Variants in PAAF1 observed in about 807,000 individuals in gnomAD.
The protein encoded by PAAF1 is proteasomal ATPase-associated factor 1.
In PAAF1, 46 loss-of-function variants were observed where a neutral mutation model predicts 52.8. The ratio of observed to expected loss-of-function variants is 0.87; its 90% CI spans 0.69 to 1.11. The LOEUF (loss-of-function observed/expected upper bound fraction) is 1.11. PAAF1 is among the 50% of genes most tolerant of loss of function. The pLI, the probability that PAAF1 is intolerant of heterozygous loss-of-function variation, is 0.00. For missense variants in PAAF1, 424 were observed against 477.4 expected (o/e 0.89, Z 1.04); for synonymous variants, 178 against 172.8 (o/e 1.03, Z -0.24).
At position 73,927,483 on chromosome 11, in the gene PAAF1, T is replaced by TC. The variant is rs887855447; in HGVS notation, c.*122dup. 3.1e-5 allele frequency: 25 copies of TC among 803,872 alleles called. No homozygotes were observed. Among genetic ancestry groups the TC allele is most frequent in the Non-Finnish European group, 3.9e-5 (19 of 486,744 alleles). The allele number at this position is 803,872 out of a possible 1,614,324, so 49.8% of individuals were successfully genotyped here. A position where few individuals can be genotyped will look rare whatever the true frequency, so the allele number is the denominator to read the frequency against. ...TAATGTCTTGGGCACCCCTTGGAAA[T>TC]CACAGAAAGTCAGCTGTACTGGCCG... On this transcript the variant is annotated 3_prime_UTR_variant, in exon 12 of 12. Transcript: ENST00000310571.
intron 6 of PAAF1, among the ~76,000 whole-genome samples, chr11:73,906,583 T>C (rs1437789800): frequency 6.6e-6 from 1 of 152,194 alleles, no homozygotes; most frequent in African/African-American, 2.4e-5. Context: ...TTGGATCTAT[T>C]TGAAAAGTTA....
chr11:73,908,319 G>GTATATATGTA (rs1421463515), intron 6 of PAAF1, among the ~76,000 whole-genome samples: 1 of 137,030 alleles, frequency 7.3e-6, no homozygotes, highest in South Asian at 2.2e-4. Context: ...ATATATATGT[G>GTATATATGTA]TATATATGTA....
intron 11 of PAAF1, among the ~76,000 whole-genome samples, chr11:73,925,585 T>C (rs537757659): frequency 6.6e-6 from 1 of 152,262 alleles, no homozygotes; most frequent in South Asian, 2.1e-4. Context: ...TCTTTGTAAA[T>C]ACATTCTATA....
intron 6 of PAAF1, among the ~76,000 whole-genome samples, chr11:73,907,968 T>C (rs543180507): frequency 1.3e-5 from 2 of 152,220 alleles, no homozygotes; most frequent in Admixed American, 6.5e-5. Flanking sequence ...AATAAGGAAA[T>C]CCAGGAACTC....
intron 10 of PAAF1, chr11:73,921,587 A>C (rs918786314): frequency 9.9e-6 from 6 of 606,548 alleles, no homozygotes; most frequent in Non-Finnish European, 1.9e-5. Flanking sequence ...AAATAAAGGC[A>C]AAAGATTCGT....
At chr11:73,913,445 A>G (rs561473830) in intron 7 of PAAF1, among the ~76,000 whole-genome samples, 5 of 152,304 alleles carry the variant, frequency 3.3e-5, no homozygotes, top group Admixed American at 3.3e-4. Context: ...AAATATTTTA[A>G]AAAATAAATA....
chr11:73,913,296 T>G (rs1030118133), intron 7 of PAAF1, among the ~76,000 whole-genome samples: 3 of 152,202 alleles, frequency 2.0e-5, no homozygotes, highest in Non-Finnish European at 4.4e-5. Context: ...ACAGAGGCTT[T>G]TTAAAGTTAA....
chr11:73,906,118 G>A (rs1424616460), intron 6 of PAAF1, among the ~76,000 whole-genome samples: 21 of 152,158 alleles, frequency 1.4e-4, no homozygotes. Context: ...AAACCATATG[G>A]GCTTGATAGA....
chr11:73,906,367 C>T (rs1949753727), intron 6 of PAAF1, among the ~76,000 whole-genome samples: 1 of 152,156 alleles, frequency 6.6e-6, no homozygotes, highest in Admixed American at 6.5e-5. Flanking sequence ...ATTCTTGTGC[C>T]TCAGCCTCCC....
At chr11:73,908,359 G>A (rs1228141443) in intron 6 of PAAF1, among the ~76,000 whole-genome samples, 8 of 137,452 alleles carry the variant, frequency 5.8e-5, no homozygotes, top group Non-Finnish European at 7.6e-5. Flanking sequence ...GTATATATGT[G>A]TGTATATATA....
At chr11:73,911,622 CTTT>C (rs781166373) in intron 7 of PAAF1, among the ~76,000 whole-genome samples, 3 of 120,494 alleles carry the variant, frequency 2.5e-5, no homozygotes, top group Non-Finnish European at 3.5e-5. Flanking sequence ...AGTGACCTTC[CTTT>C]TTTTTTTTTT....
At chr11:73,927,099 G>C (rs1414913163) in intron 11 of PAAF1, among the ~76,000 whole-genome samples, 186 bp from the exon 12 acceptor site, 2 of 152,180 alleles carry the variant, frequency 1.3e-5, no homozygotes, top group African/African-American at 4.8e-5. Context: ...AACCATTGGT[G>C]ATTGGGATGC....
In PAAF1 at chr11:73,916,557, A is replaced by AT; in HGVS notation, c.834dup (p.Gly279TrpfsTer60). 1 of 1,612,018 alleles carries AT rather than the reference A, an allele frequency of 6.2e-7. No individual in the cohort carries two copies. ...TACTTGTTCCCAGGTGTTCCTCTTT[A>AT]TTGGCTCAGACGCTTTCAACTGCTG... On this transcript the variant is annotated frameshift_variant, in exon 9 of 12. Transcript: ENST00000310571. LOFTEE classifies it high-confidence loss of function.
At chr11:73,908,936 G>A (rs1280255480) in intron 6 of PAAF1, among the ~76,000 whole-genome samples, 2 of 152,012 alleles carry the variant, frequency 1.3e-5, no homozygotes, top group South Asian at 4.2e-4. Flanking sequence ...TTACAGGCAT[G>A]TGTCACCACG....
intron 9 of PAAF1, among the ~76,000 whole-genome samples, chr11:73,918,039 C>T (rs1950111679): frequency 6.6e-6 from 1 of 152,146 alleles, no homozygotes; most frequent in South Asian, 2.1e-4. Context: ...GAGACTGCTT[C>T]TCCAAGGAAA....
At chr11:73,916,176 GGA>G (rs1443932806) in intron 8 of PAAF1, among the ~76,000 whole-genome samples, 1 of 152,052 alleles carries the variant, frequency 6.6e-6, no homozygotes, top group East Asian at 1.9e-4. Flanking sequence ...GAAGTGACAT[GGA>G]GCAAAACTTA....
intron 2 of PAAF1, among the ~76,000 whole-genome samples, chr11:73,886,757 G>T (rs1949070329): frequency 6.6e-6 from 1 of 150,542 alleles, no homozygotes; most frequent in Non-Finnish European, 1.5e-5. Flanking sequence ...TAGTGCTATA[G>T]TGTGTATGTT....
intron 4 of PAAF1, among the ~76,000 whole-genome samples, chr11:73,896,885 C>T (rs1160614026): frequency 7.9e-5 from 12 of 151,038 alleles, no homozygotes; most frequent in African/African-American, 2.2e-4. Context: ...CAGGCAGAGG[C>T]GCCCCTCACC....
intron 6 of PAAF1, among the ~76,000 whole-genome samples, chr11:73,908,385 G>A (rs1037735524): frequency 5.1e-5 from 6 of 118,306 alleles, no homozygotes; most frequent in South Asian, 2.7e-4. Context: ...ATATATATGT[G>A]TGTATATATA....
Sources: gnomAD v4.1 joint callset for allele counts (sites outside exome capture counted in the v4.1 genomes callset) on GRCh38, gnomAD v4.1.1 for gene constraint, MANE v1.5 for transcripts, NCBI Gene and HGNC (gene_info 2026-07-23, HGNC 2026-07-21) for gene names.